GFI1B: variants seen among roughly 807,000 people sequenced by gnomAD.
GFI1B encodes zinc finger protein Gfi-1b.
GFI1B carries 20 observed loss-of-function variants against 35.3 expected under a neutral mutation model. That is an observed-to-expected ratio of 0.57 (90% confidence interval 0.40 to 0.82). The LOEUF is 0.82. GFI1B is among the 40% of genes least tolerant of loss of function. The probability of loss-of-function intolerance (pLI) is 0.00; values close to 1 mark genes in which losing one functional copy is unlikely to be tolerated. For synonymous variants in GFI1B, 178 were observed against 177.6 expected (o/e 1.00, Z -0.02); for missense variants, 430 against 446.3 (o/e 0.96, Z 0.33).
downstream of GFI1B, among the ~76,000 whole-genome samples, chr9:132,992,771 G>C (rs774202885): frequency 7.2e-5 from 11 of 152,126 alleles, no homozygotes; most frequent in Non-Finnish European, 1.5e-4. Context: ...GTTATGTGTG[G>C]ATAACTTCAG....
chr9:132,954,675 G>A (rs1050485102), intron 1 of GFI1B, among the ~76,000 whole-genome samples: 1 of 151,938 alleles, frequency 6.6e-6, no homozygotes, highest in Non-Finnish European at 1.5e-5. Context: ...TCCTGCCTTG[G>A]CCTTGCAAAG....
intron 1 of GFI1B, among the ~76,000 whole-genome samples, chr9:132,947,664 C>T (rs1473728884): frequency 1.3e-5 from 2 of 151,818 alleles, no homozygotes; most frequent in South Asian, 4.2e-4. Flanking sequence ...CAAAAATTAG[C>T]CAGGCGTGGT....
chr9:132,969,196 T>C (rs1848496493), intron 1 of GFI1B, among the ~76,000 whole-genome samples: 1 of 151,956 alleles, frequency 6.6e-6, no homozygotes, highest in African/African-American at 2.4e-5. Context: ...GCCTGGCTAA[T>C]TTTTTTGTAT....
chr9:132,974,243 C>G (rs1848585312), upstream of GFI1B, among the ~76,000 whole-genome samples: 1 of 152,184 alleles, frequency 6.6e-6, no homozygotes, highest in South Asian at 2.1e-4. Flanking sequence ...AAAAACAGTT[C>G]CTGCTCTTGT....
intron 1 of GFI1B, among the ~76,000 whole-genome samples, chr9:132,979,246 CTTTTTTTTTTT>C (rs34125755): frequency 1.2e-4 from 11 of 95,630 alleles, no homozygotes; most frequent in African/African-American, 2.0e-4. Context: ...TCCTGGGACA[CTTTTTTTTTTT>C]TTTTTTTTTT....
chr9:132,950,510 G>A (rs1305600507), intron 1 of GFI1B, among the ~76,000 whole-genome samples: 3 of 149,722 alleles, frequency 2.0e-5, no homozygotes, highest in East Asian at 2.0e-4. Flanking sequence ...CAAAAGACAG[G>A]AACAGGCCAG....
chr9:132,982,655 G>T (rs1418610999), intron 1 of GFI1B, among the ~76,000 whole-genome samples: 1 of 151,990 alleles, frequency 6.6e-6, no homozygotes, highest in Non-Finnish European at 1.5e-5. Context: ...AAAACCAAGT[G>T]GTTGTTAATT....
At chr9:132,970,754 C>T (rs2132609185) in intron 1 of GFI1B, among the ~76,000 whole-genome samples, 1 of 152,286 alleles carries the variant, frequency 6.6e-6, no homozygotes, top group African/African-American at 2.4e-5. Flanking sequence ...CCAGGGTAAG[C>T]TTCAACAAAC....
chr9:132,955,512 G>A (rs191797091), intron 1 of GFI1B, among the ~76,000 whole-genome samples: 8 of 152,046 alleles, frequency 5.3e-5, no homozygotes, highest in South Asian at 2.1e-4. Flanking sequence ...GGCTGGTCTC[G>A]AACTCCTGGC....
intron 1 of GFI1B, chr9:132,952,832 C>T (rs1482925908): frequency 6.6e-6 from 1 of 152,174 alleles, no homozygotes; most frequent in Non-Finnish European, 1.5e-5. Flanking sequence ...TGGCCTTTAT[C>T]CAATGCTTTT....
chr9:132,980,540 G>A (rs549114003), intron 1 of GFI1B, among the ~76,000 whole-genome samples: 7 of 152,180 alleles, frequency 4.6e-5, no homozygotes, highest in Non-Finnish European at 5.9e-5. Flanking sequence ...AAAATTTCCC[G>A]TTTTAGCCAT....
Position 132,987,272 on chromosome 9 carries a change from C to T in GFI1B, c.101-10C>T. 3 of 1,613,496 alleles carry T rather than the reference C, an allele frequency of 1.9e-6. No homozygotes were observed. In the South Asian group the frequency reaches 3.3e-5, roughly 18 times the overall value. On this transcript the variant is annotated splice_polypyrimidine_tract_variant and intron_variant, in intron 2 of 6. Transcript: ENST00000372122. ...TGGCTATTGATGCTGATGGTCCTAT[C>T]TCCCCACAGTGCCCAGAGACCAGGC...
intron 1 of GFI1B, among the ~76,000 whole-genome samples, chr9:132,955,758 T>A (rs1332359063): frequency 6.6e-6 from 1 of 152,032 alleles, no homozygotes; most frequent in African/African-American, 2.4e-5. Context: ...AGTGTATTAG[T>A]AAGAGTTCTC....
In GFI1B at chr9:132,957,256, C is replaced by T. The variant is rs139012334; in HGVS notation, c.-701+11587C>T. On this transcript the variant is annotated intron_variant, in intron 1 of 10. Transcript: ENST00000339463. ...TGGCTTGGAAAACACCTTTCTCTAA[C>T]GGCTGCGCTGACACCTTCAGACAAA... 9.8e-5 allele frequency among the ~76,000 whole-genome samples: 15 copies of T among 152,326 alleles called. 1 individual carries two copies. The highest frequency in any genetic ancestry group is 5.8e-4 in the East Asian group (3 of 5,194).
At chr9:132,950,460 G>A (rs1404933970) in intron 1 of GFI1B, among the ~76,000 whole-genome samples, 1 of 151,700 alleles carries the variant, frequency 6.6e-6, no homozygotes, top group East Asian at 1.9e-4. Flanking sequence ...CCCAGGAGGT[G>A]GGATGGATAA....
intron 1 of GFI1B, among the ~76,000 whole-genome samples, chr9:132,982,880 C>T (rs927013936): frequency 5.3e-5 from 8 of 152,076 alleles, no homozygotes; most frequent in African/African-American, 1.9e-4. Flanking sequence ...GGGGAGATCA[C>T]TAGAAGAAGC....
At chr9:132,959,245 G>A (rs1025603398) in intron 1 of GFI1B, among the ~76,000 whole-genome samples, 6 of 152,192 alleles carry the variant, frequency 3.9e-5, no homozygotes, top group East Asian at 1.9e-4. Context: ...TCGGGATAGC[G>A]AGTGAGTTCT....
At chr9:132,990,836 C>A in intron 6 of GFI1B, 36 bp from the exon 7 acceptor site, 1 of 1,609,932 alleles carries the variant, frequency 6.2e-7, no homozygotes, top group South Asian at 1.1e-5. Flanking sequence ...GAGGCCCTGA[C>A]CCCGCCCTTG....
chr9:132,967,178 G>A (rs1020804696), intron 1 of GFI1B, among the ~76,000 whole-genome samples: 38 of 152,120 alleles, frequency 2.5e-4, no homozygotes, highest in Non-Finnish European at 4.7e-4. Flanking sequence ...CTTTCTCCAT[G>A]GAGTAATGCA....
Sources: gnomAD v4.1 joint callset for allele counts (sites outside exome capture counted in the v4.1 genomes callset) on GRCh38, gnomAD v4.1.1 for gene constraint, MANE v1.5 for transcripts, NCBI Gene and HGNC (gene_info 2026-07-23, HGNC 2026-07-21) for gene names.